Variants in MYO1B observed in about 807,000 individuals in gnomAD.
The protein encoded by MYO1B is unconventional myosin-Ib.
MYO1B carries 72 observed loss-of-function variants against 159.7 expected under a neutral mutation model. The ratio of observed to expected loss-of-function variants is 0.45; its 90% CI spans 0.37 to 0.55. The LOEUF (loss-of-function observed/expected upper bound fraction) is 0.55. MYO1B is among the 20% of genes least tolerant of loss of function. The pLI, the probability that MYO1B is intolerant of heterozygous loss-of-function variation, is 0.00. For synonymous variants in MYO1B, 468 were observed against 473.8 expected (o/e 0.99, Z 0.16); for missense variants, 1,062 against 1,364.8 (o/e 0.78, Z 3.50).
intron 30 of MYO1B, among the ~76,000 whole-genome samples, chr2:191,418,269 C>A (rs968395315): frequency 2.6e-5 from 4 of 152,150 alleles, no homozygotes; most frequent in African/African-American, 9.7e-5. Context: ...GCAGGGGCGC[C>A]TGTTCCTTTA....
intron 13 of MYO1B, among the ~76,000 whole-genome samples, chr2:191,372,445 A>G (rs1694418926): frequency 6.6e-6 from 1 of 152,228 alleles, no homozygotes; most frequent in Non-Finnish European, 1.5e-5. Context: ...TAACTCATAA[A>G]CAATTCGAGT....
intron 1 of MYO1B, chr2:191,245,974 C>T (rs1472431356): frequency 1.3e-5 from 2 of 152,488 alleles, no homozygotes; most frequent in African/African-American, 4.8e-5. Context: ...CCCCTCCATT[C>T]CTCTGGCCCA....
intron 5 of MYO1B, among the ~76,000 whole-genome samples, chr2:191,344,569 G>A (rs895937548): frequency 2.0e-5 from 3 of 152,068 alleles, no homozygotes; most frequent in African/African-American, 7.2e-5. Context: ...GGTGGCTCAC[G>A]CCTGTAATCC....
At chr2:191,313,782 G>A (rs1690177791) in intron 3 of MYO1B, among the ~76,000 whole-genome samples, 1 of 152,168 alleles carries the variant, frequency 6.6e-6, no homozygotes, top group Non-Finnish European at 1.5e-5. Context: ...GCCTCCCAAA[G>A]TGCTGAGATT....
chr2:191,329,764 A>G (rs1439375432), intron 3 of MYO1B, among the ~76,000 whole-genome samples, 171 bp from the exon 4 acceptor site: 10 of 151,816 alleles, frequency 6.6e-5, no homozygotes, highest in African/African-American at 2.4e-4. Context: ...ACGTGTCACA[A>G]TGGATGGGTT....
intron 2 of MYO1B, among the ~76,000 whole-genome samples, chr2:191,295,237 A>C (rs139681359): frequency 6.6e-6 from 1 of 152,264 alleles, no homozygotes; most frequent in Non-Finnish European, 1.5e-5. Context: ...AGTTACAGTT[A>C]AGTGACGTTT....
At chr2:191,327,405 C>G (rs770564683) in intron 3 of MYO1B, among the ~76,000 whole-genome samples, 10 of 152,312 alleles carry the variant, frequency 6.6e-5, no homozygotes, top group Admixed American at 1.3e-4. Flanking sequence ...GACATTTATT[C>G]AGGGCTTTAT....
rs776318303 is a variant in MYO1B, at chr2:191,396,499, T to G, written c.2295+2T>G. 1 of 1,613,820 alleles carries G rather than the reference T, an allele frequency of 6.2e-7. No individual in the cohort carries two copies. Among genetic ancestry groups the G allele is most frequent in the Non-Finnish European group, 8.5e-7 (1 of 1,179,902 alleles). On this transcript the variant is annotated splice_donor_variant, in intron 21 of 30. Coordinates refer to ENST00000392318, the MANE Select transcript of MYO1B (RefSeq NM_001130158.3). LOFTEE classifies it high-confidence loss of function. ...CAGTCTTATATCCGGGGTTGGAAGGTGAGTTTAAAAGAAGTATGCTTTATT... is the reference window on the plus strand; with the variant it reads ...CAGTCTTATATCCGGGGTTGGAAGGGGAGTTTAAAAGAAGTATGCTTTATT...
At position 191,392,159 on chromosome 2, in the gene MYO1B, C is replaced by T; in HGVS notation, c.2034C>T (p.Tyr678=). ...AATTAGAAATTCCCGTGGAAGAATA[C>T]TCCTTTGGTAGATCAAAGATATTCA... ...FNELEIPVEE[Y]SFGRSKIFIR... The change falls in exon 19 of 31, where the codon TAC becomes TAT. Residue 678 remains tyrosine (Y), a synonymous_variant. Coordinates refer to ENST00000392318, the MANE Select transcript of MYO1B (RefSeq NM_001130158.3). 3 of 1,609,432 alleles carry T rather than the reference C, an allele frequency of 1.9e-6. No homozygotes were observed. The highest frequency in any genetic ancestry group is 1.7e-6 in the Non-Finnish European group (2 of 1,176,650).
At chr2:191,401,644 A>G (rs1227032633) in intron 23 of MYO1B, 1 of 152,214 alleles carries the variant, frequency 6.6e-6, no homozygotes, top group Non-Finnish European at 1.5e-5. Context: ...TTTGAAGTCC[A>G]CCTTGTCAAT....
At chr2:191,360,291 C>A (rs1308798633) in intron 7 of MYO1B, among the ~76,000 whole-genome samples, 6 of 152,138 alleles carry the variant, frequency 3.9e-5, no homozygotes, top group Non-Finnish European at 8.8e-5. Flanking sequence ...AATTGAATGG[C>A]TGTATTTCAT....
intron 1 of MYO1B, among the ~76,000 whole-genome samples, chr2:191,254,832 G>A (rs190286218): frequency 6.6e-6 from 1 of 152,188 alleles, no homozygotes; most frequent in African/African-American, 2.4e-5. Flanking sequence ...AGTAAGGAAG[G>A]GGTGACTTTT....
At chr2:191,267,348 C>T (rs1687204602) in intron 1 of MYO1B, among the ~76,000 whole-genome samples, 1 of 152,142 alleles carries the variant, frequency 6.6e-6, no homozygotes, top group African/African-American at 2.4e-5. Context: ...GGAAATTGCC[C>T]AGTAGTTGTG....
intron 3 of MYO1B, among the ~76,000 whole-genome samples, chr2:191,297,172 T>G (rs1689033280): frequency 6.6e-6 from 1 of 152,182 alleles, no homozygotes; most frequent in Non-Finnish European, 1.5e-5. Flanking sequence ...ATATGCTAAG[T>G]TGGGCCAAGT....
At chr2:191,320,095 A>T (rs1690604680) in intron 3 of MYO1B, among the ~76,000 whole-genome samples, 1 of 152,124 alleles carries the variant, frequency 6.6e-6, no homozygotes, top group African/African-American at 2.4e-5. Flanking sequence ...AGAAAAGCAA[A>T]ATTTTAATCA....
intron 20 of MYO1B, among the ~76,000 whole-genome samples, chr2:191,394,049 AC>A (rs1392101752): frequency 2.6e-5 from 4 of 152,220 alleles, no homozygotes; most frequent in Admixed American, 2.6e-4. Flanking sequence ...CTCACATAAT[AC>A]ATTTTAGTTT....
At position 191,379,777 on chromosome 2, in the gene MYO1B, A is replaced by T. The variant is rs1367980490; in HGVS notation, c.1186-1685A>T. 3.3e-5 allele frequency among the ~76,000 whole-genome samples: 5 copies of T among 152,184 alleles called. 1 individual carries two copies. The East Asian group carries it at 9.6e-4, about 29-fold the overall frequency. On this transcript the variant is annotated intron_variant, in intron 13 of 30. Coordinates refer to ENST00000392318, the MANE Select transcript of MYO1B (RefSeq NM_001130158.3). ...TTATTTATAGTTGCATCATATAGGG[A>T]CATACTTTAGCAAAGCAATTGAGAC...
At position 191,425,380 on chromosome 2, in the gene MYO1B, C is replaced by A. The variant is rs1158779000; in HGVS notation, c.*1420C>A. ...TAAAAATTGCTCACATAAAGAAGTT[C>A]TCAGAAGTCTTTGTGTTTATTGGTG... On this transcript the variant is annotated 3_prime_UTR_variant, in exon 31 of 31. Transcript: ENST00000392318. 1 of 152,112 alleles carries A rather than the reference C, an allele frequency of 6.6e-6. No homozygotes were observed. Among genetic ancestry groups the A allele is most frequent in the African/African-American group, 2.4e-5 (1 of 41,418 alleles). 9.4% of individuals were successfully genotyped at this position (152,112 alleles called of 1,614,324 possible).
At chr2:191,340,230 T>C (rs7592950) in intron 4 of MYO1B, among the ~76,000 whole-genome samples, 4,604 of 151,876 alleles carry the variant, frequency 0.03, 239 homozygotes, top group African/African-American at 0.1. Context: ...GAAAATAAAT[T>C]AGGGAAACAG....
Sources: allele counts gnomAD v4.1 joint callset (sites outside exome capture counted in the v4.1 genomes callset), GRCh38; gene constraint gnomAD v4.1.1; transcripts MANE v1.5; gene names NCBI Gene and HGNC (gene_info 2026-07-23, HGNC 2026-07-21).